The following CALN1 variants were observed in gnomAD, a reference collection of about 807,000 sequenced individuals.
CALN1 encodes the protein calcium-binding protein 8.
In CALN1, 17 loss-of-function variants were observed where a neutral mutation model predicts 30.6. That is an observed-to-expected ratio of 0.56 (90% CI 0.38 to 0.83). The LOEUF is 0.83. Ranked by LOEUF, CALN1 falls within the 40% of genes least tolerant of loss-of-function variation. CALN1 has a pLI of 0.00. For synonymous variants in CALN1, 156 were observed against 131.4 expected, an observed-to-expected ratio of 1.19 and a Z score of -1.28; for missense variants, 291 against 354.9, an observed-to-expected ratio of 0.82 and a Z score of 1.45.
intron 2 of CALN1, among the ~76,000 whole-genome samples, chr7:72,309,129 T>C (rs1004053927): frequency 6.6e-6 from 1 of 152,132 alleles, no homozygotes; most frequent in Non-Finnish European, 1.5e-5. Context: ...TTGCACAAGC[T>C]CTATAGCCTG....
intron 5 of CALN1, among the ~76,000 whole-genome samples, chr7:71,987,061 G>A (rs1798710038): frequency 6.6e-6 from 1 of 152,006 alleles, no homozygotes; most frequent in Non-Finnish European, 1.5e-5. Context: ...GGGAGGCAGA[G>A]GTTGCAGTGA....
intron 2 of CALN1, among the ~76,000 whole-genome samples, chr7:72,321,663 G>A (rs1800891526): frequency 6.6e-6 from 1 of 152,204 alleles, no homozygotes; most frequent in Non-Finnish European, 1.5e-5. Context: ...TTGGTGAGGT[G>A]CCTGGAGGGA....
At chr7:71,865,810 A>T (rs1791550259) in intron 5 of CALN1, among the ~76,000 whole-genome samples, 1 of 150,212 alleles carries the variant, frequency 6.7e-6, no homozygotes, top group African/African-American at 2.5e-5. Flanking sequence ...TGTATTATAC[A>T]TTAGAGTCAA....
chr7:72,224,519 C>CAA (rs1466581461), intron 3 of CALN1, among the ~76,000 whole-genome samples: 1 of 152,184 alleles, frequency 6.6e-6, no homozygotes, highest in East Asian at 1.9e-4. Context: ...CATGGTGGCT[C>CAA]ACGTCTGTAA....
Position 72,069,342 on chromosome 7 carries a change from A to G in CALN1, c.388+36809T>C, listed in dbSNP as rs138618825. Among the ~76,000 whole-genome samples the G allele has an allele frequency of 2.6e-4, 40 of 152,306 alleles. No homozygotes were observed. The East Asian group carries it at 3.9e-3, about 15-fold the overall frequency. On this transcript the variant is annotated intron_variant, in intron 4 of 6. Coordinates refer to ENST00000395275, the MANE Select transcript of CALN1 (RefSeq NM_031468.4). The stretch of plus-strand genomic sequence containing the variant: ...TTTCCTGAGGCAGTTGTAGCCAAGT[A>G]TCACCCACCTGGTGGCTTTAAAAAA...
chr7:72,208,412 T>G (rs542451423), intron 3 of CALN1, among the ~76,000 whole-genome samples: 1 of 152,346 alleles, frequency 6.6e-6, no homozygotes, highest in African/African-American at 2.4e-5. Context: ...CAGAATGTAT[T>G]TAAAATGCTA....
chr7:72,023,620 T>C (rs1406948673), intron 5 of CALN1, 37 bp downstream of exon 5: 14 of 1,499,266 alleles, frequency 9.3e-6, no homozygotes, highest in Non-Finnish European at 1.3e-5. Flanking sequence ...ACACATTTAC[T>C]GTCAAACTTA....
chr7:72,169,504 T>TTC (rs1788786030), intron 3 of CALN1, among the ~76,000 whole-genome samples: 1 of 149,408 alleles, frequency 6.7e-6, no homozygotes, highest in Non-Finnish European at 1.5e-5. Flanking sequence ...TTTTTTTTTT[T>TTC]CAGATACAGA....
At chr7:71,966,383 T>C (rs1797532200) in intron 5 of CALN1, among the ~76,000 whole-genome samples, 1 of 152,180 alleles carries the variant, frequency 6.6e-6, no homozygotes, top group Admixed American at 6.5e-5. Context: ...TCCTCAGTGA[T>C]GGAGGTGGGG....
At chr7:72,151,733 A>G (rs1300966015) in intron 3 of CALN1, among the ~76,000 whole-genome samples, 3 of 151,948 alleles carry the variant, frequency 2.0e-5, no homozygotes, top group South Asian at 2.1e-4. Context: ...GTTGTTAGAG[A>G]CAGGGTCTCA....
intron 2 of CALN1, among the ~76,000 whole-genome samples, chr7:72,281,136 A>T (rs978735399): frequency 2.3e-5 from 3 of 129,484 alleles, no homozygotes; most frequent in Non-Finnish European, 4.7e-5. Flanking sequence ...AAGAGCGTCT[A>T]AAAAAAAAAA....
intron 2 of CALN1, among the ~76,000 whole-genome samples, chr7:72,393,569 C>T (rs979528462): frequency 1.3e-5 from 2 of 152,148 alleles, no homozygotes; most frequent in South Asian, 4.1e-4. Flanking sequence ...AAGGAGGACA[C>T]TGCATGAACA....
At chr7:72,331,073 G>C (rs976888966) in intron 2 of CALN1, among the ~76,000 whole-genome samples, 4 of 152,134 alleles carry the variant, frequency 2.6e-5, no homozygotes, top group African/African-American at 9.7e-5. Flanking sequence ...CTCCTGGCCG[G>C]GCACGGTGGC....
intron 5 of CALN1, among the ~76,000 whole-genome samples, chr7:71,835,541 G>A (rs1386615154): frequency 6.6e-6 from 1 of 152,194 alleles, no homozygotes; most frequent in Non-Finnish European, 1.5e-5. Context: ...GCTGTGCAAT[G>A]TGACATTTGT....
intron 3 of CALN1, among the ~76,000 whole-genome samples, chr7:72,133,629 T>C (rs1226829456): frequency 4.6e-5 from 7 of 152,196 alleles, no homozygotes; most frequent in Non-Finnish European, 1.0e-4. Flanking sequence ...ATTTTCCCAC[T>C]GAACACTAAT....
chr7:71,963,631 C>T (rs1280247850), intron 5 of CALN1, among the ~76,000 whole-genome samples: 1 of 152,066 alleles, frequency 6.6e-6, no homozygotes, highest in Non-Finnish European at 1.5e-5. Context: ...TTCTTTTTTT[C>T]TTATCGTCTC....
At chr7:72,064,849 G>T (rs1385947049) in intron 4 of CALN1, among the ~76,000 whole-genome samples, 1 of 151,802 alleles carries the variant, frequency 6.6e-6, no homozygotes, top group East Asian at 1.9e-4. Context: ...TTTTATGGAT[G>T]TATTGGTGCT....
At chr7:72,236,408 T>C (rs1176523525) in intron 3 of CALN1, among the ~76,000 whole-genome samples, 1 of 152,142 alleles carries the variant, frequency 6.6e-6, no homozygotes, top group Non-Finnish European at 1.5e-5. Flanking sequence ...ACCAATAAAA[T>C]GGGATGGTCT....
At chr7:72,052,413 G>A (rs1420452508) in intron 4 of CALN1, among the ~76,000 whole-genome samples, 2 of 152,022 alleles carry the variant, frequency 1.3e-5, no homozygotes, top group Non-Finnish European at 2.9e-5. Context: ...CCCGAGAAAG[G>A]GCCACAACTG....
Sources: gnomAD v4.1 joint callset for allele counts (sites outside exome capture counted in the v4.1 genomes callset) on GRCh38, gnomAD v4.1.1 for gene constraint, MANE v1.5 for transcripts, NCBI Gene and HGNC (gene_info 2026-07-23, HGNC 2026-07-21) for gene names.